The following CCNI variants were observed in gnomAD, a reference collection of about 807,000 sequenced individuals.
The protein encoded by CCNI is cyclin I, also known as cyclin-I.
CCNI carries 14 observed loss-of-function variants against 34.1 expected under a neutral mutation model. The ratio of observed to expected loss-of-function variants is 0.41; its 90% CI spans 0.27 to 0.64. The LOEUF (loss-of-function observed/expected upper bound fraction) is 0.64, where lower values mean the gene tolerates loss of function less well. Among genes scored for constraint, CCNI ranks in the 30% least tolerant of loss-of-function variants. The probability of loss-of-function intolerance (pLI) is 0.31; values close to 1 mark genes in which losing one functional copy is unlikely to be tolerated. For missense variants in CCNI, 385 were observed against 440.5 expected (o/e 0.87, Z 1.13); for synonymous variants, 154 against 158.4 (o/e 0.97, Z 0.21).
At chr4:77,053,334 A>C (rs911898596) in intron 6 of CCNI, among the ~76,000 whole-genome samples, 2 of 152,220 alleles carry the variant, frequency 1.3e-5, no homozygotes, top group Non-Finnish European at 2.9e-5. Flanking sequence ...ACACGGCTCT[A>C]AGAAAGTCTC....
chr4:77,063,234 A>G (rs1156368332), intron 2 of CCNI, among the ~76,000 whole-genome samples: 2 of 152,056 alleles, frequency 1.3e-5, no homozygotes. Context: ...AGTTAGAAGG[A>G]AACTGGAGGA....
chr4:77,048,361 T>C lies in CCNI; in HGVS notation c.992A>G (p.Asp331Gly). ...TKRKVEEMEVDDFYDGIKRLY... is the reference protein window; with the variant it reads ...TKRKVEEMEVGDFYDGIKRLY... ...CCGTTTGATTCCATCATAGAAGTCA[T>C]CCACTTCCATTTCCTCTACTTTGCG... is the stretch of plus-strand genomic sequence containing the variant. Residue 331 changes from aspartate (D) to glycine (G), a missense_variant, in exon 7 of 7, where the codon GAT (aspartate) becomes GGT (glycine). Transcript: ENST00000237654. 1 of 1,612,438 alleles carries C rather than the reference T, an allele frequency of 6.2e-7. No homozygotes were observed. Among genetic ancestry groups the C allele is most frequent in the South Asian group, 1.1e-5 (1 of 91,008 alleles).
intron 3 of CCNI, among the ~76,000 whole-genome samples, chr4:77,057,405 T>C (rs2109807170): frequency 6.6e-6 from 1 of 152,348 alleles, no homozygotes; most frequent in East Asian, 1.9e-4. Context: ...TCTTATTTAT[T>C]GGGTCCTGTC....
intron 1 of CCNI, among the ~76,000 whole-genome samples, chr4:77,071,124 A>G (rs1176639278): frequency 2.0e-5 from 3 of 152,360 alleles, no homozygotes; most frequent in Admixed American, 1.3e-4. Context: ...TGGTACAGAA[A>G]GAGACACATA....
intron 6 of CCNI, among the ~76,000 whole-genome samples, chr4:77,049,674 T>C (rs1439761885): frequency 7.1e-6 from 1 of 141,348 alleles, no homozygotes; most frequent in Non-Finnish European, 1.5e-5. Context: ...AGAGCAAGAC[T>C]CTGTCTTAAA....
At chr4:77,060,489 GCT>G (rs1304181059) in intron 2 of CCNI, among the ~76,000 whole-genome samples, 1 of 152,090 alleles carries the variant, frequency 6.6e-6, no homozygotes, top group African/African-American at 2.4e-5. Flanking sequence ...ACAGGGTCTT[GCT>G]CTGTCACCCA....
intron 2 of CCNI, among the ~76,000 whole-genome samples, chr4:77,065,426 T>G (rs1367642209): frequency 6.6e-6 from 1 of 152,222 alleles, no homozygotes; most frequent in Non-Finnish European, 1.5e-5. Flanking sequence ...GAAAAATAAT[T>G]ATATATGACA....
At chr4:77,051,989 T>C (rs1188560197) in intron 6 of CCNI, among the ~76,000 whole-genome samples, 1 of 151,652 alleles carries the variant, frequency 6.6e-6, no homozygotes. Context: ...TTTTTACTTT[T>C]AGATGGTACA....
rs976967811 is a variant in CCNI, at chr4:77,075,505, G to A, written c.-77C>T. 141 of 955,478 alleles carry A rather than the reference G, an allele frequency of 1.5e-4. No homozygotes were observed. Among genetic ancestry groups the A allele is most frequent in the Non-Finnish European group, 1.7e-4 (136 of 800,892 alleles). 59.2% of individuals were successfully genotyped at this position (955,478 alleles called of 1,614,324 possible). On this transcript the variant is annotated 5_prime_UTR_variant, in exon 1 of 7. Coordinates refer to ENST00000237654, the MANE Select transcript of CCNI (RefSeq NM_006835.3). ...CCTCTTCCTCCTCCTCCTCCTCCCC[G>A]GCAGAGCTGTAGGCCTCACAGTGGT...
chr4:77,062,141 T>G (rs1039608278), intron 2 of CCNI, among the ~76,000 whole-genome samples: 1 of 152,150 alleles, frequency 6.6e-6, no homozygotes, highest in African/African-American at 2.4e-5. Flanking sequence ...CTCACCTGCC[T>G]TATTATGTAT....
chr4:77,071,518 T>G (rs910678487), intron 1 of CCNI, among the ~76,000 whole-genome samples: 8 of 152,124 alleles, frequency 5.3e-5, no homozygotes, highest in Non-Finnish European at 1.0e-4. Flanking sequence ...TGGAAATTAA[T>G]GAAGTAGAGA....
chr4:77,064,581 G>GCA (rs1447978506), intron 2 of CCNI: 5 of 107,434 alleles, frequency 4.7e-5, no homozygotes, highest in East Asian at 5.3e-4. Flanking sequence ...ACATGCGCGC[G>GCA]CGCGCACACA....
In CCNI at chr4:77,075,484, T is replaced by TTCCTCC; in HGVS notation, c.-62_-57dup. 4 of 733,994 alleles carry TTCCTCC rather than the reference T, an allele frequency of 5.4e-6. No homozygotes were observed. The highest frequency in any genetic ancestry group is 1.9e-5 in the African/African-American group (1 of 51,286). 45.5% of individuals were successfully genotyped at this position (733,994 alleles called of 1,614,324 possible). Reference sequence around the variant, plus strand: ...CCCCGCCCCTCACCTTCTCCTCCTCTTCCTCCTCCTCCTCCTCCCCGGCAG... The same window carrying TTCCTCC: ...CCCCGCCCCTCACCTTCTCCTCCTCTTCCTCCTCCTCCTCCTCCTCCTCCCCGGCAG... On this transcript the variant is annotated 5_prime_UTR_variant, in exon 1 of 7. Coordinates refer to ENST00000237654, the MANE Select transcript of CCNI (RefSeq NM_006835.3).
chr4:77,072,256 T>G (rs966627052), intron 1 of CCNI, among the ~76,000 whole-genome samples: 1 of 151,900 alleles, frequency 6.6e-6, no homozygotes. Flanking sequence ...AGAATCACTC[T>G]TTGCTCACTC....
chr4:77,054,965 A>AT (rs1310397976), intron 6 of CCNI, among the ~76,000 whole-genome samples, 185 bp downstream of exon 6: 3 of 152,224 alleles, frequency 2.0e-5, no homozygotes, highest in Non-Finnish European at 4.4e-5. Flanking sequence ...AAAATACTAT[A>AT]TAAGTTTTAT....
intron 2 of CCNI, among the ~76,000 whole-genome samples, chr4:77,060,248 T>C (rs1033214119): frequency 1.3e-5 from 2 of 152,224 alleles, no homozygotes; most frequent in Non-Finnish European, 2.9e-5. Flanking sequence ...GAGATTATCA[T>C]ATAGTTATAA....
Position 77,055,303 on chromosome 4 carries a change from T to C in CCNI, c.537A>G (p.Ala179=). 3 of 1,614,210 alleles carry C rather than the reference T, an allele frequency of 1.9e-6. No homozygotes were observed. Among genetic ancestry groups the C allele is most frequent in the Non-Finnish European group, 2.5e-6 (3 of 1,180,016 alleles). ...LPKLSPSQHL[A]VLTKQLLHCM... Reference sequence around the variant, plus strand: ...AGTGAAGTAGTTGCTTGGTAAGGACTGCCAAATGTTGAGATGGGCTCAATT... The same window carrying C: ...AGTGAAGTAGTTGCTTGGTAAGGACCGCCAAATGTTGAGATGGGCTCAATT... The change falls in exon 6 of 7, where the codon GCA becomes GCG. Residue 179 remains alanine (A), a synonymous_variant. Coordinates refer to ENST00000237654, the MANE Select transcript of CCNI (RefSeq NM_006835.3).
At chr4:77,061,039 G>A (rs558656957) in intron 2 of CCNI, among the ~76,000 whole-genome samples, 2 of 152,286 alleles carry the variant, frequency 1.3e-5, no homozygotes, top group African/African-American at 4.8e-5. Context: ...GATTACAGGT[G>A]TAAGCCACTA....
chr4:77,061,449 TAA>T (rs1728599177), intron 2 of CCNI, among the ~76,000 whole-genome samples: 1 of 152,190 alleles, frequency 6.6e-6, no homozygotes, highest in South Asian at 2.1e-4. Context: ...CAAATAATCC[TAA>T]AGAGAATTTA....
Sources: gnomAD v4.1 joint callset for allele counts (sites outside exome capture counted in the v4.1 genomes callset) on GRCh38, gnomAD v4.1.1 for gene constraint, MANE v1.5 for transcripts, NCBI Gene and HGNC (gene_info 2026-07-23, HGNC 2026-07-21) for gene names.